Variants in GPALPP1 observed in about 807,000 individuals in gnomAD.
The protein encoded by GPALPP1 is GPALPP motifs-containing protein 1.
Under a neutral mutation model 38.9 loss-of-function variants are expected in GPALPP1, and 30 were observed. That is an observed-to-expected ratio of 0.77 (90% CI 0.58 to 1.05). The LOEUF is 1.05. Ranked by LOEUF, GPALPP1 falls within the 50% of genes least tolerant of loss-of-function variation. GPALPP1 has a pLI of 0.00. For synonymous variants in GPALPP1, 120 were observed against 139.2 expected, an observed-to-expected ratio of 0.86 and a Z score of 0.97; for missense variants, 384 against 408.8, an observed-to-expected ratio of 0.94 and a Z score of 0.52.
chr13:44,993,836 C>T (rs1478057096), intron 1 of GPALPP1, among the ~76,000 whole-genome samples: 1 of 148,952 alleles, frequency 6.7e-6, no homozygotes. Flanking sequence ...TTATAATAGT[C>T]ATCCTAATGA....
chr13:45,014,395 C>G (rs944174344), intron 4 of GPALPP1, among the ~76,000 whole-genome samples: 10 of 152,092 alleles, frequency 6.6e-5, no homozygotes, highest in Admixed American at 1.3e-4. Flanking sequence ...AGACAGGCCA[C>G]TGTTGTATAC....
chr13:45,014,905 A>G (rs750299233), intron 4 of GPALPP1, 47 bp from the exon 5 acceptor site: 10 of 1,413,098 alleles, frequency 7.1e-6, no homozygotes, highest in Admixed American at 5.0e-5. Context: ...ATTTTTTATA[A>G]CCTGTAGCTC....
downstream of GPALPP1, chr13:45,034,647 G>A (rs1876339783): frequency 2.0e-5 from 3 of 151,788 alleles, no homozygotes; most frequent in Non-Finnish European, 4.4e-5. Flanking sequence ...ATACTATGAA[G>A]CCTATATAGG....
intron 1 of GPALPP1, among the ~76,000 whole-genome samples, chr13:44,995,169 A>AACACACACACACACACACACACACACAC (rs371911111): frequency 0.017 from 2,130 of 128,164 alleles, 80 homozygotes; most frequent in African/African-American, 0.039. Context: ...CCTATCTTTA[A>AACACACACACACACACACACACACACAC]ACACACACAC....
intron 7 of GPALPP1, among the ~76,000 whole-genome samples, chr13:45,020,654 A>G (rs1485550015): frequency 1.3e-5 from 2 of 151,648 alleles, no homozygotes; most frequent in East Asian, 1.9e-4. Flanking sequence ...AAAAAAAAAA[A>G]AGGAAGCCAG....
intron 1 of GPALPP1, among the ~76,000 whole-genome samples, chr13:45,003,486 T>A (rs1206051063): frequency 1.3e-5 from 2 of 152,172 alleles, no homozygotes; most frequent in African/African-American, 2.4e-5. Flanking sequence ...GGCCCATGAA[T>A]CTTTTAAAAA....
At chr13:45,018,326 G>A (rs1875023821) in intron 6 of GPALPP1, among the ~76,000 whole-genome samples, 1 of 151,848 alleles carries the variant, frequency 6.6e-6, no homozygotes, top group Non-Finnish European at 1.5e-5. Flanking sequence ...GAACCCAGGA[G>A]GCAGAGCTTG....
chr13:45,029,236 CAG>C lies in GPALPP1; in HGVS notation c.*1234_*1235del, dbSNP rs1232822443. 2.0e-5 allele frequency: 3 copies of C among 152,114 alleles called. No individual in the cohort carries two copies. Among genetic ancestry groups the C allele is most frequent in the Non-Finnish European group, 2.9e-5 (2 of 68,030 alleles). 9.4% of individuals were successfully genotyped at this position (152,114 alleles called of 1,614,324 possible). A position where few individuals can be genotyped will look rare whatever the true frequency, so the allele number is the denominator to read the frequency against. On this transcript the variant is annotated 3_prime_UTR_variant, in exon 8 of 8. Transcript: ENST00000379151. ...TTACTGAGTTTTCTTATTCTTACCT[CAG>C]GGGGATTTCCCTGTGCAATGAAGAA...
In GPALPP1 at chr13:45,028,713, G is replaced by T; in HGVS notation, c.*710G>T. On this transcript the variant is annotated 3_prime_UTR_variant, in exon 8 of 8. Coordinates refer to ENST00000379151, the MANE Select transcript of GPALPP1 (RefSeq NM_018559.5). Reference sequence around the variant, plus strand: ...CAAGGCAGCAGTGAGCTGTGATTGTGCCATTGCACTCCAGTCTGGGCAACA... The same window carrying T: ...CAAGGCAGCAGTGAGCTGTGATTGTTCCATTGCACTCCAGTCTGGGCAACA... 1 of 151,836 alleles carries T rather than the reference G, an allele frequency of 6.6e-6. No individual in the cohort carries two copies. The highest frequency in any genetic ancestry group is 1.5e-5 in the Non-Finnish European group (1 of 68,200). The allele number at this position is 151,836 out of a possible 1,614,324, so 9.4% of individuals were successfully genotyped here. A position where few individuals can be genotyped will look rare whatever the true frequency, so the allele number is the denominator to read the frequency against.
chr13:45,012,759 AC>A (rs1331190202), intron 4 of GPALPP1, among the ~76,000 whole-genome samples: 2 of 151,976 alleles, frequency 1.3e-5, no homozygotes, highest in Non-Finnish European at 2.9e-5. Flanking sequence ...CTTTAATTGA[AC>A]CTTTTTCAAA....
rs1275254572 is a variant in GPALPP1, at chr13:45,028,543, C to T, written c.*540C>T. 3 of 153,396 alleles carry T rather than the reference C, an allele frequency of 2.0e-5. No individual in the cohort carries two copies. Among genetic ancestry groups the T allele is most frequent in the South Asian group, 2.1e-4 (1 of 4,852 alleles). The allele number at this position is 153,396 out of a possible 1,614,324, so 9.5% of individuals were successfully genotyped here. The stretch of plus-strand genomic sequence containing the variant: ...CTTTGGGAGGCCAATGTGAGAGGAT[C>T]GCTTGAGCCCAGTAGTTTGAGACCA... On this transcript the variant is annotated 3_prime_UTR_variant, in exon 8 of 8. Transcript: ENST00000379151.
At chr13:45,020,647 A>AC (rs1283755433) in intron 7 of GPALPP1, among the ~76,000 whole-genome samples, 1 of 151,946 alleles carries the variant, frequency 6.6e-6, no homozygotes. Context: ...TCTCAAAAAA[A>AC]AAAAAAAAGG....
At chr13:45,017,853 A>G (rs975004175) in intron 6 of GPALPP1, among the ~76,000 whole-genome samples, 10 of 152,228 alleles carry the variant, frequency 6.6e-5, no homozygotes, top group Non-Finnish European at 1.3e-4. Flanking sequence ...ATTTTATATA[A>G]TACTACATTA....
chr13:44,994,833 T>C (rs1252958657), intron 1 of GPALPP1, among the ~76,000 whole-genome samples: 1 of 152,148 alleles, frequency 6.6e-6, no homozygotes, highest in Non-Finnish European at 1.5e-5. Flanking sequence ...TAATTAGAAA[T>C]GTGAGGCATT....
In GPALPP1 at chr13:44,995,203, C is replaced by CA. The variant is rs10658655; in HGVS notation, c.88+5461_88+5462insA. Among the ~76,000 whole-genome samples, 8 of 35,012 alleles carry CA rather than the reference C, an allele frequency of 2.3e-4. No individual in the cohort carries two copies. The South Asian group carries it at 4.0e-3, about 18-fold the overall frequency. 23.0% of individuals were successfully genotyped at this position (35,012 alleles called of 152,430 possible). A position where few individuals can be genotyped will look rare whatever the true frequency, so the allele number is the denominator to read the frequency against. On this transcript the variant is annotated intron_variant, in intron 1 of 7. Transcript: ENST00000379151. ...ACACACACACACACACACACACACACCCCTTCTCTTTTGGTTTCTATGATA... is the reference window on the plus strand; with the variant it reads ...ACACACACACACACACACACACACACACCCTTCTCTTTTGGTTTCTATGATA...
downstream of GPALPP1, among the ~76,000 whole-genome samples, chr13:45,032,787 G>C (rs1441451320): frequency 6.6e-6 from 1 of 150,782 alleles, no homozygotes; most frequent in Non-Finnish European, 1.5e-5. Flanking sequence ...TGTAATTCTA[G>C]CACTTTGGGA....
At chr13:44,990,706 A>T (rs1566069078) in intron 1 of GPALPP1, among the ~76,000 whole-genome samples, 1 of 152,160 alleles carries the variant, frequency 6.6e-6, no homozygotes, top group Admixed American at 6.5e-5. Flanking sequence ...GCCATTTCTG[A>T]ATCTAATTTT....
chr13:45,019,702 T>A (rs1275092905), intron 6 of GPALPP1, among the ~76,000 whole-genome samples: 1 of 151,058 alleles, frequency 6.6e-6, no homozygotes, highest in African/African-American at 2.4e-5. Context: ...AAAACAGTAA[T>A]GTAGGATATC....
intron 7 of GPALPP1, 119 bp downstream of exon 7, chr13:45,020,547 G>A: frequency 1.6e-6 from 1 of 607,598 alleles, no homozygotes; most frequent in Non-Finnish European, 3.0e-6. Flanking sequence ...GCCAGCTTGG[G>A]CAACATAGCA....
Sources: gnomAD v4.1 joint callset for allele counts (sites outside exome capture counted in the v4.1 genomes callset) on GRCh38, gnomAD v4.1.1 for gene constraint, MANE v1.5 for transcripts, NCBI Gene and HGNC (gene_info 2026-07-23, HGNC 2026-07-21) for gene names.